POLR1A: variants seen among roughly 807,000 people sequenced by gnomAD.
POLR1A encodes the protein DNA-directed RNA polymerase I subunit RPA1.
POLR1A carries 84 observed loss-of-function variants against 205.3 expected under a neutral mutation model. That is an observed-to-expected ratio of 0.41 (90% CI 0.34 to 0.49). The LOEUF (loss-of-function observed/expected upper bound fraction) is 0.49, where lower values mean the gene tolerates loss of function less well. POLR1A is among the 20% of genes least tolerant of loss of function. The pLI, the probability that POLR1A is intolerant of heterozygous loss-of-function variation, is 0.22. For synonymous variants in POLR1A, 799 were observed against 863.7 expected (o/e 0.93, Z 1.31); for missense variants, 1,645 against 2,204.5 (o/e 0.75, Z 5.08).
intron 15 of POLR1A, among the ~76,000 whole-genome samples, chr2:86,053,844 C>T (rs566355274): frequency 6.6e-6 from 1 of 152,330 alleles, no homozygotes; most frequent in African/African-American, 2.4e-5. Flanking sequence ...AGCCACTCAG[C>T]AGTCTTGCAG....
At chr2:86,030,453 G>A (rs1672365685) in intron 30 of POLR1A, 57 bp from the exon 31 acceptor site, 2 of 1,297,434 alleles carry the variant, frequency 1.5e-6, no homozygotes. Context: ...CCACAAAGAG[G>A]ACTGAGGCGA....
intron 33 of POLR1A, 77 bp downstream of exon 33, chr2:86,027,807 GA>G: frequency 6.6e-7 from 1 of 1,512,306 alleles, no homozygotes; most frequent in Non-Finnish European, 9.2e-7. Flanking sequence ...AGGAACCATG[GA>G]AAGATGCCCA....
At chr2:86,050,723 G>T (rs1390741251) in intron 16 of POLR1A, among the ~76,000 whole-genome samples, 1 of 152,188 alleles carries the variant, frequency 6.6e-6, no homozygotes, top group African/African-American at 2.4e-5. Context: ...TTTCAAAAGC[G>T]CTCTGATTTT....
Position 86,078,179 on chromosome 2 carries a change from C to T in POLR1A, c.1192G>A (p.Val398Ile), listed in dbSNP as rs1158497071. The T allele has an allele frequency of 8.7e-6, 14 of 1,613,256 alleles. No homozygotes were observed. Among genetic ancestry groups the T allele is most frequent in the Admixed American group, 5.0e-5 (3 of 59,756 alleles). The change falls in exon 10 of 34, where the codon GTC (valine) becomes ATC (isoleucine). Residue 398 changes from valine (V) to isoleucine (I), a missense_variant. Coordinates refer to ENST00000263857, the MANE Select transcript of POLR1A (RefSeq NM_015425.6). ...ATCTCGCTATCAAACACAATATTGA[C>T]GTGGCTCTGAAGGCGAATCCAAATG... ...YNIWIRLQSH[V>I]NIVFDSEMDK...
rs769348427 is a variant in POLR1A, at chr2:86,083,175, C to T, written c.731-7G>A. On this transcript the variant is annotated splice_region_variant and splice_polypyrimidine_tract_variant and intron_variant, in intron 6 of 33. Coordinates refer to ENST00000263857, the MANE Select transcript of POLR1A (RefSeq NM_015425.6). ...ATCTGAGCTTCCTCAATTCCTGGAG[C>T]CAAGGAGGAGAATCAAAGTGCAATA... 2 of 1,603,002 alleles carry T rather than the reference C, an allele frequency of 1.2e-6. No individual in the cohort carries two copies. The highest frequency in any genetic ancestry group is 1.1e-5 in the South Asian group (1 of 90,836).
At chr2:86,033,473 GC>G (rs1672433926) in intron 28 of POLR1A, among the ~76,000 whole-genome samples, 187 bp downstream of exon 28, 1 of 152,264 alleles carries the variant, frequency 6.6e-6, no homozygotes. Flanking sequence ...AGCCTCGCTT[GC>G]CTGGCCCATC....
chr2:86,028,561 G>T lies in POLR1A; in HGVS notation c.4897+33C>A. On this transcript the variant is annotated intron_variant, in intron 32 of 33. Coordinates refer to ENST00000263857, the MANE Select transcript of POLR1A (RefSeq NM_015425.6). The surrounding 1 kb of genome is among the most constrained non-coding windows in gnomAD (Gnocchi z 4.5). ...CTTCTGGTGTCCTGGCTGGTGCCCA[G>T]ACCTCGGGGTGTTATCTGCAAGCTC... 6.6e-7 allele frequency: 1 copy of T among 1,517,368 alleles called. No individual in the cohort carries two copies. The highest frequency in any genetic ancestry group is 1.1e-5 in the South Asian group (1 of 89,178). The allele number at this position is 1,517,368 out of a possible 1,614,324, so 94.0% of individuals were successfully genotyped here.
chr2:86,080,359 A>C (rs1673376950), intron 9 of POLR1A, among the ~76,000 whole-genome samples: 1 of 152,168 alleles, frequency 6.6e-6, no homozygotes, highest in Admixed American at 6.5e-5. Context: ...TCCTGACCCC[A>C]ATGCTGGAGA....
chr2:86,097,212 G>GAAAAAAAAA (rs1673719868), intron 3 of POLR1A, among the ~76,000 whole-genome samples: 1 of 1,222 alleles, frequency 8.2e-4, no homozygotes, highest in Admixed American at 0.013. Context: ...ATCCCCAAAA[G>GAAAAAAAAA]ACAAAAAAAA....
In POLR1A at chr2:86,028,770, T is replaced by C. The variant is rs1161116393; in HGVS notation, c.4780-59A>G. On this transcript the variant is annotated intron_variant, in intron 31 of 33. Coordinates refer to ENST00000263857, the MANE Select transcript of POLR1A (RefSeq NM_015425.6). This position sits in a 1 kb window ranked among gnomAD's most constrained non-coding sequence, Gnocchi z 4.5. ...GCCTGGCCTTCTGCTCCCTTCTGCCTGCGTATCTCCCCCTGGCCGCTCTCT... is the reference window on the plus strand; with the variant it reads ...GCCTGGCCTTCTGCTCCCTTCTGCCCGCGTATCTCCCCCTGGCCGCTCTCT... 1.6e-6 allele frequency: 2 copies of C among 1,241,966 alleles called. No individual in the cohort carries two copies. The highest frequency in any genetic ancestry group is 2.4e-6 in the Non-Finnish European group (2 of 847,056). The allele number at this position is 1,241,966 out of a possible 1,614,324, so 76.9% of individuals were successfully genotyped here.
At chr2:86,058,956 T>C (rs1672949898) in intron 14 of POLR1A, among the ~76,000 whole-genome samples, 1 of 146,208 alleles carries the variant, frequency 6.8e-6, no homozygotes, top group South Asian at 2.1e-4. Context: ...AGCTCTACAA[T>C]AATAATAATA....
intron 16 of POLR1A, among the ~76,000 whole-genome samples, 169 bp from the exon 17 acceptor site, chr2:86,049,411 G>A (rs146926919): frequency 2.3e-4 from 35 of 152,260 alleles, no homozygotes; most frequent in African/African-American, 8.2e-4. Context: ...CATCTCTTAG[G>A]TGCTTACCAG....
intron 9 of POLR1A, among the ~76,000 whole-genome samples, chr2:86,079,723 C>T (rs1673361907): frequency 6.6e-6 from 1 of 152,074 alleles, no homozygotes. Flanking sequence ...CCACCATGCC[C>T]AGCTATTTTT....
chr2:86,057,508 C>T (rs1052084899), intron 14 of POLR1A, among the ~76,000 whole-genome samples: 1 of 152,146 alleles, frequency 6.6e-6, no homozygotes, highest in African/African-American at 2.4e-5. Context: ...AAAACTGGTA[C>T]ACAAATGTTC....
intron 14 of POLR1A, among the ~76,000 whole-genome samples, chr2:86,055,338 A>C (rs1448971032): frequency 6.6e-6 from 1 of 152,130 alleles, no homozygotes; most frequent in Non-Finnish European, 1.5e-5. Context: ...CAGTTATAAG[A>C]GCAGCTGCCT....
At chr2:86,077,710 C>A in intron 11 of POLR1A, 149 bp downstream of exon 11, 1 of 935,528 alleles carries the variant, frequency 1.1e-6, no homozygotes, top group Non-Finnish European at 1.6e-6. Context: ...GAAGCTAGTT[C>A]CGCCCAAGCC....
At chr2:86,093,131 A>C (rs1482294794) in intron 3 of POLR1A, among the ~76,000 whole-genome samples, 1 of 152,234 alleles carries the variant, frequency 6.6e-6, no homozygotes, top group Non-Finnish European at 1.5e-5. Context: ...GTATATATTG[A>C]AAAGGTATTT....
intron 18 of POLR1A, among the ~76,000 whole-genome samples, chr2:86,047,859 C>T (rs1672736085): frequency 6.6e-6 from 1 of 152,120 alleles, no homozygotes; most frequent in African/African-American, 2.4e-5. Context: ...CAGACTTGGC[C>T]CAACACAGGA....
chr2:86,063,013 C>A (rs959203647), intron 14 of POLR1A, among the ~76,000 whole-genome samples: 2 of 152,160 alleles, frequency 1.3e-5, no homozygotes, highest in African/African-American at 4.8e-5. Context: ...AGCTCTATGT[C>A]TACTAAAGAA....
Sources: gnomAD v4.1 joint callset for allele counts (sites outside exome capture counted in the v4.1 genomes callset) on GRCh38, gnomAD v4.1.1 for gene constraint, Gnocchi (gnomAD v3.1) non-coding constraint, MANE v1.5 for transcripts, NCBI Gene and HGNC (gene_info 2026-07-23, HGNC 2026-07-21) for gene names.